Variants in TIMM17A observed in about 807,000 individuals in gnomAD.
TIMM17A encodes the protein translocase of inner mitochondrial membrane 17A.
In TIMM17A, 15 loss-of-function variants were observed where a neutral mutation model predicts 26.5. That is an observed-to-expected ratio of 0.57 (90% CI 0.38 to 0.87). The LOEUF is 0.87. TIMM17A is among the 40% of genes least tolerant of loss of function. The pLI is 0.00. For synonymous variants in TIMM17A, 80 were observed against 70.8 expected, an observed-to-expected ratio of 1.13 and a Z score of -0.66; for missense variants, 201 against 210.0, an observed-to-expected ratio of 0.96 and a Z score of 0.27.
At chr1:201,966,852 TATATATATAAC>T (rs1682634763) in intron 5 of TIMM17A, among the ~76,000 whole-genome samples, 1 of 143,410 alleles carries the variant, frequency 7.0e-6, no homozygotes, top group Admixed American at 7.2e-5. Context: ...AAAAAATATA[TATATATATAAC>T]ATATATATGT....
intron 3 of TIMM17A, 163 bp from the exon 4 acceptor site, chr1:201,963,453 A>G (rs1374300307): frequency 3.0e-6 from 2 of 671,798 alleles, no homozygotes; most frequent in Non-Finnish European, 4.9e-6. Flanking sequence ...TCGAAAGATA[A>G]GTATTCTAAC....
chr1:201,966,428 C>G (rs1682627034), intron 5 of TIMM17A, among the ~76,000 whole-genome samples: 1 of 152,102 alleles, frequency 6.6e-6, no homozygotes, highest in Admixed American at 6.6e-5. Flanking sequence ...ACTCAGGAGG[C>G]CACTCACTTG....
chr1:201,969,111 T>C (rs1023922894), intron 5 of TIMM17A, among the ~76,000 whole-genome samples: 5 of 152,234 alleles, frequency 3.3e-5, no homozygotes, highest in African/African-American at 1.2e-4. Context: ...CTGAAAAATA[T>C]GACAAGAAGT....
intron 5 of TIMM17A, among the ~76,000 whole-genome samples, chr1:201,966,285 C>G (rs1682624226): frequency 6.6e-6 from 1 of 152,008 alleles, no homozygotes; most frequent in Admixed American, 6.6e-5. Flanking sequence ...TCAGTTGAAC[C>G]TGGGAGGTGG....
intron 3 of TIMM17A, among the ~76,000 whole-genome samples, chr1:201,958,412 TATA>T (rs1446568169): frequency 6.6e-6 from 1 of 152,222 alleles, no homozygotes; most frequent in Non-Finnish European, 1.5e-5. Context: ...CTTACAAAGG[TATA>T]GTCAGGGTTG....
intron 4 of TIMM17A, 35 bp downstream of exon 4, chr1:201,963,779 A>G (rs1005981975): frequency 1.3e-6 from 2 of 1,561,742 alleles, no homozygotes; most frequent in Middle Eastern, 4.0e-4. Context: ...AGTAGAAGCC[A>G]CACTTTTAGG....
chr1:201,966,431 C>G (rs1359840155), intron 5 of TIMM17A, among the ~76,000 whole-genome samples: 1 of 152,142 alleles, frequency 6.6e-6, no homozygotes, highest in East Asian at 1.9e-4. Flanking sequence ...CAGGAGGCCA[C>G]TCACTTGACC....
rs999585641 is a variant in TIMM17A at position 201,961,647 on chromosome 1, T to G, written c.191-1969T>G. 2.6e-5 allele frequency among the ~76,000 whole-genome samples: 4 copies of G among 151,938 alleles called. No homozygotes were observed. The South Asian group carries it at 8.3e-4, about 32-fold the overall frequency. On this transcript the variant is annotated intron_variant, in intron 3 of 5. Transcript: ENST00000367287. ...CAGGAGAATGGCTTGAGCCCAGGAG[T>G]TCAACACCCTTGACAACTTAGAGAG...
At position 201,957,262 on chromosome 1, in the gene TIMM17A, T is replaced by TC. The variant is rs1682430317; in HGVS notation, c.27-19_27-18insC. The TC allele has an allele frequency of 6.6e-7, 1 of 1,518,484 alleles. No individual in the cohort carries two copies. Among genetic ancestry groups the TC allele is most frequent in the Admixed American group, 1.8e-5 (1 of 56,116 alleles). The allele number at this position is 1,518,484 out of a possible 1,614,324, so 94.1% of individuals were successfully genotyped here. The stretch of plus-strand genomic sequence containing the variant: ...TTTGTGAATGAGAAATATGGTCTTT[T>TC]TTTTCCCCCTGTTCTTAGCCCATGG... On this transcript the variant is annotated intron_variant, in intron 1 of 5. Coordinates refer to ENST00000367287, the MANE Select transcript of TIMM17A (RefSeq NM_006335.3).
At chr1:201,962,908 A>T (rs1039725422) in intron 3 of TIMM17A, 16 of 152,236 alleles carry the variant, frequency 1.1e-4, no homozygotes, top group Admixed American at 7.2e-4. Context: ...TATAATGCAG[A>T]AAGGCCAAAA....
At chr1:201,964,382 A>T (rs1211197137) in intron 4 of TIMM17A, among the ~76,000 whole-genome samples, 1 of 152,100 alleles carries the variant, frequency 6.6e-6, no homozygotes, top group Non-Finnish European at 1.5e-5. Flanking sequence ...ATGAATAAGG[A>T]ACTTAGAACC....
Position 201,969,488 on chromosome 1 carries a change from C to T in TIMM17A, c.450C>T (p.Asp150=), listed in dbSNP as rs774775794. The change falls in exon 6 of 6, where the codon GAC becomes GAT. Residue 150 remains aspartate, a synonymous_variant. Coordinates refer to ENST00000367287, the MANE Select transcript of TIMM17A (RefSeq NM_006335.3). ...QFPNGPQFAE[D]PSQLPSTQLP... is the part of the protein sequence containing the mutation. The stretch of plus-strand genomic sequence containing the variant: ...TTGCAGGTCCTCAGTTTGCAGAAGA[C>T]CCCTCCCAGTTGCCTTCAACTCAGT... The T allele has an allele frequency of 1.2e-6, 2 of 1,613,740 alleles. No individual in the cohort carries two copies. The highest frequency in any genetic ancestry group is 4.5e-5 in the East Asian group (2 of 44,848).
intron 3 of TIMM17A, among the ~76,000 whole-genome samples, chr1:201,960,566 T>A (rs1216046606): frequency 6.6e-6 from 1 of 152,178 alleles, no homozygotes; most frequent in Admixed American, 6.5e-5. Context: ...ATTGGAATTA[T>A]CCATTTCAAA....
intron 3 of TIMM17A, chr1:201,962,148 G>A (rs772996562): frequency 1.3e-4 from 20 of 152,046 alleles, no homozygotes; most frequent in Non-Finnish European, 2.6e-4. Flanking sequence ...AGGCTCATGA[G>A]GAAATGGGAG....
chr1:201,966,019 A>G (rs1244095897), intron 5 of TIMM17A, among the ~76,000 whole-genome samples: 1 of 152,206 alleles, frequency 6.6e-6, no homozygotes, highest in African/African-American at 2.4e-5. Flanking sequence ...TTTGAAGAAG[A>G]GAATAGTGGA....
chr1:201,956,514 C>A (rs986317208), intron 1 of TIMM17A, among the ~76,000 whole-genome samples: 1 of 152,200 alleles, frequency 6.6e-6, no homozygotes, highest in Non-Finnish European at 1.5e-5. Flanking sequence ...GGTCTCCTGG[C>A]TCTTCAAACT....
At chr1:201,960,722 G>A (rs557444195) in intron 3 of TIMM17A, among the ~76,000 whole-genome samples, 26 of 152,120 alleles carry the variant, frequency 1.7e-4, no homozygotes, top group African/African-American at 6.3e-4. Flanking sequence ...CAGGCAGTAT[G>A]GGAAAATCAT....
At chr1:201,964,194 G>A (rs988753016) in intron 4 of TIMM17A, among the ~76,000 whole-genome samples, 10 of 152,142 alleles carry the variant, frequency 6.6e-5, no homozygotes, top group African/African-American at 4.8e-5. Context: ...TGGAATATTT[G>A]AGAATGAAAG....
At chr1:201,965,595 G>C (rs756815736) in intron 5 of TIMM17A, 52 bp downstream of exon 5, 1 of 1,158,048 alleles carries the variant, frequency 8.6e-7, no homozygotes, top group South Asian at 1.2e-5. Context: ...ATGGTTTTCT[G>C]ATGTTAAGAA....
Sources: allele counts gnomAD v4.1 joint callset (sites outside exome capture counted in the v4.1 genomes callset), GRCh38; gene constraint gnomAD v4.1.1; transcripts MANE v1.5; gene names NCBI Gene and HGNC (gene_info 2026-07-23, HGNC 2026-07-21).